Variants in MLLT10 observed in about 807,000 individuals in gnomAD.
The protein encoded by MLLT10 is protein AF-10.
Under a neutral mutation model 129.1 loss-of-function variants are expected in MLLT10, and 30 were observed. The observed-to-expected ratio is 0.23, with a 90% CI of 0.17 to 0.32. The LOEUF is 0.32. Among genes scored for constraint, MLLT10 ranks in the 10% least tolerant of loss-of-function variants. The probability of loss-of-function intolerance (pLI) is 1.00; values close to 1 mark genes in which losing one functional copy is unlikely to be tolerated. For synonymous variants in MLLT10, 490 were observed against 446.4 expected (o/e 1.10, Z -1.23); for missense variants, 1,119 against 1,268.3 (o/e 0.88, Z 1.79).
intron 3 of MLLT10, among the ~76,000 whole-genome samples, chr10:21,553,224 A>C (rs977717983): frequency 2.0e-5 from 3 of 152,156 alleles, no homozygotes; most frequent in African/African-American, 7.2e-5. Flanking sequence ...CAGAATACAT[A>C]GAATTCTTGG....
chr10:21,554,931 C>G (rs1391318858), intron 3 of MLLT10, among the ~76,000 whole-genome samples: 1 of 151,838 alleles, frequency 6.6e-6, no homozygotes. Flanking sequence ...AAGCAATTCT[C>G]AGGCCTCAGC....
At chr10:21,576,240 T>A (rs1472763554) in intron 3 of MLLT10, among the ~76,000 whole-genome samples, 1 of 148,890 alleles carries the variant, frequency 6.7e-6, no homozygotes, top group African/African-American at 2.5e-5. Flanking sequence ...CCTATCCATT[T>A]ACTTTTTTTT....
rs1400337373 is a variant in MLLT10 at position 21,730,986 on chromosome 10, A to T, written c.2150A>T (p.Glu717Val). 6.2e-7 allele frequency: 1 copy of T among 1,614,196 alleles called. No individual in the cohort carries two copies. Among genetic ancestry groups the T allele is most frequent in the East Asian group, 2.2e-5 (1 of 44,876 alleles). The change falls in exon 17 of 23, where the codon GAA becomes GTA. Residue 717 changes from glutamate to valine, a missense_variant. By Grantham distance (121) the Glu-to-Val change is moderately radical. This residue lies in a region of MLLT10 where 1,004 missense variants were observed against 1,008.7 expected (regional missense o/e 1.00). Transcript: ENST00000307729. Reference protein sequence around the residue: ...ENLPPVAASIEQLLERQWSEG... With the variant: ...ENLPPVAASIVQLLERQWSEG... ...CTGCCTCCAGTAGCAGCCAGCATAG[A>T]ACAGCTTTTGGAGAGGCAGTGGAGT...
chr10:21,733,468 G>A (rs748359667), intron 18 of MLLT10, 36 bp from the exon 19 acceptor site: 136 of 1,283,366 alleles, frequency 1.1e-4, no homozygotes, highest in Non-Finnish European at 2.8e-5. Context: ...AATTTAATAG[G>A]GTAAATAGGT....
intron 8 of MLLT10, among the ~76,000 whole-genome samples, chr10:21,623,188 A>G (rs1047017520): frequency 3.3e-5 from 5 of 152,290 alleles, no homozygotes; most frequent in South Asian, 2.1e-4. Flanking sequence ...TGTAGGCACA[A>G]TTTATTAAAT....
intron 3 of MLLT10, among the ~76,000 whole-genome samples, chr10:21,564,034 G>C (rs769464489): frequency 6.6e-6 from 1 of 151,950 alleles, no homozygotes; most frequent in East Asian, 1.9e-4. Flanking sequence ...GGATGGTCTC[G>C]ATCTCCTAAC....
intron 14 of MLLT10, among the ~76,000 whole-genome samples, chr10:21,717,896 TCCTCCTCCTC>T: frequency 3.3e-5 from 5 of 150,326 alleles, no homozygotes; most frequent in African/African-American, 9.8e-5. Context: ...CTTCTCCTCC[TCCTCCTCCTC>T]CTCCTTCTCC....
intron 3 of MLLT10, among the ~76,000 whole-genome samples, chr10:21,560,971 A>C (rs551621613): frequency 1.3e-4 from 20 of 152,082 alleles, no homozygotes; most frequent in Admixed American, 3.9e-4. Flanking sequence ...TAGATCCTAG[A>C]CCCAGTATCT....
chr10:21,586,218 T>C, intron 3 of MLLT10, 76 bp from the exon 4 acceptor site: 1 of 1,146,248 alleles, frequency 8.7e-7, no homozygotes, highest in South Asian at 1.4e-5. Context: ...TTCAGTAGTT[T>C]TGACGTTGCA....
intron 10 of MLLT10, 96 bp downstream of exon 10, chr10:21,670,800 A>G: frequency 7.7e-7 from 1 of 1,301,744 alleles, no homozygotes; most frequent in Non-Finnish European, 1.0e-6. Flanking sequence ...ACTTATAACT[A>G]ATGGATGTTC....
chr10:21,592,759 C>G (rs999298531), intron 4 of MLLT10, among the ~76,000 whole-genome samples: 2 of 152,030 alleles, frequency 1.3e-5, no homozygotes, highest in Non-Finnish European at 2.9e-5. Flanking sequence ...CCACCGCGCC[C>G]GGCCAGTTTT....
chr10:21,688,641 T>G, intron 13 of MLLT10: 2 of 914,026 alleles, frequency 2.2e-6, no homozygotes, highest in Non-Finnish European at 3.3e-6. Flanking sequence ...CAGTATGTAC[T>G]CATAAAAAAA....
intron 8 of MLLT10, among the ~76,000 whole-genome samples, chr10:21,621,492 CT>C (rs2045850117): frequency 1.3e-5 from 2 of 152,218 alleles, no homozygotes; most frequent in Middle Eastern, 3.4e-3. Flanking sequence ...TGATCCGCCC[CT>C]CTCGGCCTCC....
chr10:21,571,734 C>T (rs1199750482), intron 3 of MLLT10, among the ~76,000 whole-genome samples: 5 of 152,154 alleles, frequency 3.3e-5, no homozygotes, highest in African/African-American at 9.7e-5. Flanking sequence ...GTTGACCATT[C>T]GTGTGTTCTC....
At chr10:21,704,357 C>CTCTATATATATA (rs1343170893) in intron 13 of MLLT10, among the ~76,000 whole-genome samples, 2 of 111,882 alleles carry the variant, frequency 1.8e-5, no homozygotes. Flanking sequence ...CTCTCTCTCT[C>CTCTATATATATA]TATATATATA....
At chr10:21,668,822 C>A in intron 9 of MLLT10, 1 of 923,502 alleles carries the variant, frequency 1.1e-6, no homozygotes. Context: ...GTACTCTACC[C>A]AATTTTCTCT....
At chr10:21,592,105 T>C (rs1057213072) in intron 4 of MLLT10, among the ~76,000 whole-genome samples, 3 of 152,230 alleles carry the variant, frequency 2.0e-5, no homozygotes, top group African/African-American at 7.2e-5. Context: ...GTTATAGTTT[T>C]ATAGGAAAGC....
intron 8 of MLLT10, chr10:21,625,270 T>A: frequency 9.7e-7 from 1 of 1,032,218 alleles, no homozygotes; most frequent in Non-Finnish European, 1.5e-6. Flanking sequence ...CTTCCCCTTC[T>A]GTTTCTTTGC....
intron 8 of MLLT10, among the ~76,000 whole-genome samples, chr10:21,645,199 A>G (rs1445785416): frequency 2.6e-5 from 4 of 152,320 alleles, no homozygotes; most frequent in Non-Finnish European, 5.9e-5. Context: ...GGCAATTTCT[A>G]CTATAGAATC....
Sources: gnomAD v4.1 joint callset for allele counts (sites outside exome capture counted in the v4.1 genomes callset) on GRCh38, gnomAD v4.1.1 for gene constraint, gnomAD v4.1.1 regional missense constraint, MANE v1.5 for transcripts, NCBI Gene and HGNC (gene_info 2026-07-23, HGNC 2026-07-21) for gene names.